The following BRINP3 variants were observed in gnomAD, a reference collection of about 807,000 sequenced individuals.
BRINP3 encodes the protein BMP/retinoic acid-inducible neural-specific protein 3.
In BRINP3, 19 loss-of-function variants were observed where a neutral mutation model predicts 71.0. The observed-to-expected ratio is 0.27, with a 90% confidence interval of 0.19 to 0.39. The LOEUF is 0.39. Ranked by LOEUF, BRINP3 falls within the 10% of genes least tolerant of loss-of-function variation. The probability of loss-of-function intolerance (pLI) is 1.00; values close to 1 mark genes in which losing one functional copy is unlikely to be tolerated. For missense variants in BRINP3, 959 were observed against 940.8 expected (o/e 1.02, Z -0.25); for synonymous variants, 380 against 337.7 (o/e 1.13, Z -1.37).
At chr1:190,453,357 A>G (rs896019681) in intron 2 of BRINP3, among the ~76,000 whole-genome samples, 1 of 151,268 alleles carries the variant, frequency 6.6e-6, no homozygotes, top group African/African-American at 2.4e-5. Flanking sequence ...AGTAGCTGGG[A>G]CTACAGGCGC....
chr1:190,348,352 T>C (rs868333235), intron 2 of BRINP3, among the ~76,000 whole-genome samples: 1 of 152,126 alleles, frequency 6.6e-6, no homozygotes, highest in Non-Finnish European at 1.5e-5. Flanking sequence ...ATTCAACCAA[T>C]AAGTGCTATT....
chr1:190,301,234 T>TATATATATATATATACAC, intron 2 of BRINP3, among the ~76,000 whole-genome samples: 1 of 123,398 alleles, frequency 8.1e-6, no homozygotes, highest in South Asian at 2.6e-4. Flanking sequence ...TATATATATA[T>TATATATATATATATACAC]ACACACATAC....
At chr1:190,131,279 G>A (rs1654522718) in intron 7 of BRINP3, among the ~76,000 whole-genome samples, 1 of 151,760 alleles carries the variant, frequency 6.6e-6, no homozygotes, top group African/African-American at 2.4e-5. Flanking sequence ...GATATAGGAT[G>A]TTTTGACAGT....
chr1:190,421,642 A>G (rs1411976177), intron 2 of BRINP3, among the ~76,000 whole-genome samples: 1 of 151,724 alleles, frequency 6.6e-6, no homozygotes, highest in Admixed American at 6.6e-5. Flanking sequence ...GTGACCATAT[A>G]ATAAATATAG....
Position 190,477,532 on chromosome 1 carries a change from G to T in BRINP3, c.-135C>A, listed in dbSNP as rs1365369835. 1 of 152,152 alleles carries T rather than the reference G, an allele frequency of 6.6e-6. No homozygotes were observed. The highest frequency in any genetic ancestry group is 2.4e-5 in the African/African-American group (1 of 41,426). 9.4% of individuals were successfully genotyped at this position (152,152 alleles called of 1,614,324 possible). A position where few individuals can be genotyped will look rare whatever the true frequency, so the allele number is the denominator to read the frequency against. On this transcript the variant is annotated 5_prime_UTR_variant, in exon 1 of 8. An upstream open reading frame in the 5' UTR gains an earlier in-frame stop. Transcript: ENST00000367462. The stretch of plus-strand genomic sequence containing the variant: ...ATATTCCATGATCTTCCAAATCAAG[G>T]TAAAGTAGTGAGCTGCAGGGTAGTA...
At chr1:190,199,994 T>C (rs1654859692) in intron 6 of BRINP3, among the ~76,000 whole-genome samples, 2 of 152,262 alleles carry the variant, frequency 1.3e-5, no homozygotes, top group Admixed American at 1.3e-4. Flanking sequence ...GTCCTGGTAA[T>C]GACAGGAGCT....
intron 2 of BRINP3, among the ~76,000 whole-genome samples, chr1:190,423,462 T>C (rs908309484): frequency 6.6e-5 from 10 of 151,820 alleles, no homozygotes; most frequent in African/African-American, 2.2e-4. Context: ...AATATTTAAA[T>C]ATGTTCACAG....
At chr1:190,159,944 T>A (rs1005442433) in intron 7 of BRINP3, among the ~76,000 whole-genome samples, 7 of 152,198 alleles carry the variant, frequency 4.6e-5, no homozygotes, top group Non-Finnish European at 1.0e-4. Flanking sequence ...TCTTAATGAT[T>A]TAAGCACCAA....
At chr1:190,459,020 A>C (rs982174598) in intron 1 of BRINP3, among the ~76,000 whole-genome samples, 1 of 151,866 alleles carries the variant, frequency 6.6e-6, no homozygotes, top group Non-Finnish European at 1.5e-5. Context: ...TGTTTAAAAC[A>C]TGGTGTTTAA....
chr1:190,472,959 A>G (rs1239212789), intron 1 of BRINP3, among the ~76,000 whole-genome samples: 1 of 151,890 alleles, frequency 6.6e-6, no homozygotes, highest in African/African-American at 2.4e-5. Context: ...TTCTATGATG[A>G]TGATGAATTT....
chr1:190,298,632 A>G lies in BRINP3; in HGVS notation c.237-16882T>C, dbSNP rs148499981. Reference sequence around the variant, plus strand: ...TGGTTTGGTTTCCAAGTGTTTGGAAATTTCCTTGTCATTCTAGTATTGCTT... The same window carrying G: ...TGGTTTGGTTTCCAAGTGTTTGGAAGTTTCCTTGTCATTCTAGTATTGCTT... On this transcript the variant is annotated intron_variant, in intron 2 of 7. Coordinates refer to ENST00000367462, the MANE Select transcript of BRINP3 (RefSeq NM_199051.3). 6.6e-3 allele frequency among the ~76,000 whole-genome samples: 998 copies of G among 152,024 alleles called. 5 individuals are homozygous for G. The highest frequency in any genetic ancestry group is 0.021 in the African/African-American group (886 of 41,464).
chr1:190,446,840 T>G (rs1055638634), intron 2 of BRINP3, among the ~76,000 whole-genome samples: 2 of 152,010 alleles, frequency 1.3e-5, no homozygotes, highest in African/African-American at 4.8e-5. Context: ...AGGAAATATT[T>G]TAATTGGGAT....
At chr1:190,224,305 G>T (rs543780300) in intron 6 of BRINP3, among the ~76,000 whole-genome samples, 1 of 151,690 alleles carries the variant, frequency 6.6e-6, no homozygotes, top group South Asian at 2.1e-4. Flanking sequence ...TAGACCAATG[G>T]AATAGAATAG....
chr1:190,099,111 C>T lies in BRINP3; in HGVS notation c.1208G>A (p.Arg403His), dbSNP rs1456320959. The T allele has an allele frequency of 1.2e-6, 2 of 1,613,688 alleles. No homozygotes were observed. Among genetic ancestry groups the T allele is most frequent in the Admixed American group, 1.7e-5 (1 of 60,002 alleles). Residue 403 changes from arginine to histidine, a missense_variant, in exon 8 of 8, where the codon CGC becomes CAC. Transcript: ENST00000367462. Reference protein sequence around the residue: ...RQRTSTYWLTRIQSFLYCNEN... With the variant: ...RQRTSTYWLTHIQSFLYCNEN... ...ATTGCAGTAGAGAAAAGACTGGATG[C>T]GAGTAAGCCAGTAGGTTGAGGTTCT...
chr1:190,147,026 G>T (rs1007703622), intron 7 of BRINP3, among the ~76,000 whole-genome samples: 1 of 151,802 alleles, frequency 6.6e-6, no homozygotes, highest in Non-Finnish European at 1.5e-5. Flanking sequence ...TGATATCCTT[G>T]TGGATGTATT....
At chr1:190,357,128 A>G (rs1279014842) in intron 2 of BRINP3, among the ~76,000 whole-genome samples, 3 of 151,926 alleles carry the variant, frequency 2.0e-5, no homozygotes, top group Non-Finnish European at 2.9e-5. Flanking sequence ...CCAAACTTCT[A>G]TTTTATATCA....
At chr1:190,353,586 T>A (rs1211860687) in intron 2 of BRINP3, among the ~76,000 whole-genome samples, 1 of 152,044 alleles carries the variant, frequency 6.6e-6, no homozygotes, top group African/African-American at 2.4e-5. Context: ...CTATCAAAGT[T>A]TCTTGATTAT....
At chr1:190,252,730 A>G (rs769817517) in intron 4 of BRINP3, among the ~76,000 whole-genome samples, 19 of 152,064 alleles carry the variant, frequency 1.2e-4, no homozygotes, top group Admixed American at 2.0e-4. Flanking sequence ...GTAATAAAAT[A>G]AGTGCTCGAT....
intron 2 of BRINP3, among the ~76,000 whole-genome samples, chr1:190,316,036 C>G (rs982833707): frequency 6.6e-6 from 1 of 151,074 alleles, no homozygotes; most frequent in Admixed American, 6.6e-5. Flanking sequence ...TCAATCCCCC[C>G]ACCCCAAACA....
Sources: gnomAD v4.1 joint callset for allele counts (sites outside exome capture counted in the v4.1 genomes callset) on GRCh38, gnomAD v4.1.1 for gene constraint, MANE v1.5 for transcripts, NCBI Gene and HGNC (gene_info 2026-07-23, HGNC 2026-07-21) for gene names.